Variants in NPAS3 observed in about 807,000 individuals in gnomAD.
NPAS3 encodes the protein neuronal PAS domain-containing protein 3.
NPAS3 carries 14 observed loss-of-function variants against 73.1 expected under a neutral mutation model. The observed-to-expected ratio is 0.19, with a 90% CI of 0.13 to 0.30. The LOEUF (loss-of-function observed/expected upper bound fraction) is 0.30. Among genes scored for constraint, NPAS3 ranks in the 10% least tolerant of loss-of-function variants. NPAS3 has a pLI of 1.00. For missense variants in NPAS3, 1,096 were observed against 1,250.0 expected, an observed-to-expected ratio of 0.88 and a Z score of 1.86; for synonymous variants, 620 against 541.5, an observed-to-expected ratio of 1.14 and a Z score of -2.01.
intron 2 of NPAS3, among the ~76,000 whole-genome samples, chr14:33,210,211 A>G (rs17100378): frequency 0.026 from 3,934 of 152,294 alleles, 158 homozygotes; most frequent in African/African-American, 0.09. Context: ...TAAATAAGTC[A>G]TCAAGTCCAA....
At chr14:33,334,419 C>G (rs2044122694) in intron 3 of NPAS3, among the ~76,000 whole-genome samples, 1 of 152,170 alleles carries the variant, frequency 6.6e-6, no homozygotes, top group Non-Finnish European at 1.5e-5. Flanking sequence ...CAGCAATCTA[C>G]TTTGCATTTC....
intron 3 of NPAS3, among the ~76,000 whole-genome samples, chr14:33,319,833 C>T (rs1405459753): frequency 6.6e-6 from 1 of 152,284 alleles, no homozygotes; most frequent in East Asian, 1.9e-4. Context: ...GTTTTTTGCA[C>T]ATCTGCCTCT....
chr14:33,704,731 T>C (rs1453869230), intron 6 of NPAS3, among the ~76,000 whole-genome samples: 2 of 152,126 alleles, frequency 1.3e-5, no homozygotes, highest in African/African-American at 4.8e-5. Context: ...AAGAGCAGAG[T>C]AACTGCTCAC....
At chr14:33,028,863 A>G (rs1426447843) in intron 1 of NPAS3, among the ~76,000 whole-genome samples, 1 of 152,092 alleles carries the variant, frequency 6.6e-6, no homozygotes, top group African/African-American at 2.4e-5. Flanking sequence ...TATGTGTAGG[A>G]TGCGCAGGTT....
At chr14:33,061,842 TAA>T (rs1337762427) in intron 2 of NPAS3, among the ~76,000 whole-genome samples, 4 of 152,076 alleles carry the variant, frequency 2.6e-5, no homozygotes, top group Admixed American at 6.5e-5. Context: ...TCAGGAGAAA[TAA>T]GTGTCAACTA....
At chr14:33,002,135 G>A (rs2038830359) in intron 1 of NPAS3, among the ~76,000 whole-genome samples, 1 of 152,150 alleles carries the variant, frequency 6.6e-6, no homozygotes, top group Non-Finnish European at 1.5e-5. Context: ...ACTTCTCTGG[G>A]TGCTTAGACT....
chr14:33,412,503 C>T (rs2047974006), intron 4 of NPAS3, among the ~76,000 whole-genome samples: 1 of 152,214 alleles, frequency 6.6e-6, no homozygotes, highest in South Asian at 2.1e-4. Flanking sequence ...TGCAATATTC[C>T]CTTTGACCCA....
At chr14:33,059,363 T>A (rs902138924) in intron 2 of NPAS3, among the ~76,000 whole-genome samples, 1 of 152,234 alleles carries the variant, frequency 6.6e-6, no homozygotes, top group East Asian at 1.9e-4. Context: ...AAAACGTCTA[T>A]AATTAGTTCC....
At chr14:33,048,996 T>G (rs1380632735) in intron 1 of NPAS3, among the ~76,000 whole-genome samples, 1 of 152,176 alleles carries the variant, frequency 6.6e-6, no homozygotes, top group Non-Finnish European at 1.5e-5. Context: ...ACCTACAAAA[T>G]GTAGATCAAA....
chr14:33,434,284 T>C (rs962561444), intron 4 of NPAS3, among the ~76,000 whole-genome samples: 6 of 152,174 alleles, frequency 3.9e-5, no homozygotes, highest in South Asian at 2.1e-4. Flanking sequence ...CCCAGCACTT[T>C]GGGAGGCCAA....
chr14:32,982,894 A>T (rs1011167458), intron 1 of NPAS3, among the ~76,000 whole-genome samples: 2 of 152,180 alleles, frequency 1.3e-5, no homozygotes, highest in South Asian at 4.1e-4. Flanking sequence ...AGTTTTGCTT[A>T]TTGTTCTGTA....
At chr14:33,400,555 A>G (rs990277667) in intron 4 of NPAS3, among the ~76,000 whole-genome samples, 1 of 152,166 alleles carries the variant, frequency 6.6e-6, no homozygotes, top group African/African-American at 2.4e-5. Flanking sequence ...GTTCTGCCAG[A>G]TAAATTAATG....
At chr14:33,550,424 G>A (rs1020364246) in intron 4 of NPAS3, among the ~76,000 whole-genome samples, 1 of 152,200 alleles carries the variant, frequency 6.6e-6, no homozygotes, top group Non-Finnish European at 1.5e-5. Flanking sequence ...GATTTCTTAC[G>A]ATATTAGTTG....
At chr14:33,352,023 T>G (rs561715980) in intron 3 of NPAS3, among the ~76,000 whole-genome samples, 7 of 151,522 alleles carry the variant, frequency 4.6e-5, no homozygotes, top group African/African-American at 1.7e-4. Context: ...TCTGCACATG[T>G]ACCCCAGAAC....
chr14:33,075,650 A>G (rs2041632411), intron 2 of NPAS3, among the ~76,000 whole-genome samples: 1 of 152,228 alleles, frequency 6.6e-6, no homozygotes, highest in South Asian at 2.1e-4. Flanking sequence ...TGCCTCCTGT[A>G]TGCTTCGTAT....
chr14:33,138,739 G>A (rs4982057), intron 2 of NPAS3, among the ~76,000 whole-genome samples: 65,119 of 151,990 alleles, frequency 0.43, 14,687 homozygotes, highest in African/African-American at 0.57. Flanking sequence ...TAAAATGCTG[G>A]AATGAATGTG....
chr14:33,039,691 A>C (rs2138406164), intron 1 of NPAS3, among the ~76,000 whole-genome samples: 1 of 152,358 alleles, frequency 6.6e-6, no homozygotes, highest in East Asian at 1.9e-4. Context: ...CTGATAACAA[A>C]GGCTTGATTT....
intron 4 of NPAS3, among the ~76,000 whole-genome samples, chr14:33,547,055 T>C (rs906759881): frequency 6.6e-6 from 1 of 152,152 alleles, no homozygotes; most frequent in African/African-American, 2.4e-5. Context: ...TAACCTGTAA[T>C]GAGAGTAGAA....
chr14:33,098,174 C>G (rs1198035953), intron 2 of NPAS3, among the ~76,000 whole-genome samples: 1 of 152,168 alleles, frequency 6.6e-6, no homozygotes, highest in Non-Finnish European at 1.5e-5. Flanking sequence ...GTTGAGGGCT[C>G]TATGGATATC....
Sources: gnomAD v4.1 joint callset for allele counts (sites outside exome capture counted in the v4.1 genomes callset) on GRCh38, gnomAD v4.1.1 for gene constraint, MANE v1.5 for transcripts, NCBI Gene and HGNC (gene_info 2026-07-23, HGNC 2026-07-21) for gene names.